Variants in TPRG1 observed in about 807,000 individuals in gnomAD.
The protein encoded by TPRG1 is tumor protein p63 regulated 1, also known as tumor protein p63-regulated gene 1 protein.
In TPRG1, 29 loss-of-function variants were observed where a neutral mutation model predicts 29.3. The ratio of observed to expected loss-of-function variants is 0.99; its 90% CI spans 0.74 to 1.35. The LOEUF (loss-of-function observed/expected upper bound fraction) is 1.35, where lower values mean the gene tolerates loss of function less well. Ranked by LOEUF, TPRG1 falls within the 40% of genes most tolerant of loss-of-function variation. TPRG1 has a pLI of 0.00. For missense variants in TPRG1, 327 were observed against 335.0 expected (o/e 0.98, Z 0.19); for synonymous variants, 130 against 116.8 (o/e 1.11, Z -0.73).
intron 4 of TPRG1, among the ~76,000 whole-genome samples, chr3:189,087,450 G>A (rs1578322826): frequency 6.6e-6 from 1 of 152,098 alleles, no homozygotes; most frequent in Admixed American, 6.5e-5. Flanking sequence ...CTCCCATTCT[G>A]TAGGTTGCCT....
intron 4 of TPRG1, among the ~76,000 whole-genome samples, chr3:189,296,934 C>T (rs1287844949): frequency 6.6e-6 from 1 of 152,100 alleles, no homozygotes; most frequent in East Asian, 1.9e-4. Context: ...TGAATTGCAG[C>T]CTTTGGGTGC....
At chr3:189,046,934 G>T (rs186818969) in intron 4 of TPRG1, among the ~76,000 whole-genome samples, 4 of 151,976 alleles carry the variant, frequency 2.6e-5, no homozygotes, top group African/African-American at 7.2e-5. Context: ...AAAACAAAAC[G>T]ACAACAATGA....
chr3:189,014,648 T>C (rs908670988), intron 3 of TPRG1, among the ~76,000 whole-genome samples: 3 of 152,154 alleles, frequency 2.0e-5, no homozygotes, highest in Non-Finnish European at 4.4e-5. Flanking sequence ...TTCTCATGAT[T>C]GTGAGGGAGT....
Position 189,015,770 on chromosome 3 carries a change from G to A in TPRG1, c.-659-7980G>A, listed in dbSNP as rs554523946. ...CCCAGACCTTGGTGGTTTCTATGTG[G>A]TGTTGGGCCTGCAGGCACACAGAAG... On this transcript the variant is annotated intron_variant, in intron 3 of 10. Coordinates refer to the TPRG1 transcript ENST00000433971. 2.6e-5 allele frequency among the ~76,000 whole-genome samples: 4 copies of A among 152,304 alleles called. No homozygotes were observed. The South Asian group carries it at 8.3e-4, about 32-fold the overall frequency.
intron 3 of TPRG1, among the ~76,000 whole-genome samples, chr3:189,009,923 G>A (rs754094657): frequency 7.9e-5 from 12 of 151,860 alleles, no homozygotes; most frequent in Non-Finnish European, 1.3e-4. Flanking sequence ...GCATCCACTA[G>A]CTATTTTTCC....
chr3:189,149,105 G>C (rs1725619853), intron 4 of TPRG1, among the ~76,000 whole-genome samples: 1 of 152,158 alleles, frequency 6.6e-6, no homozygotes, highest in Non-Finnish European at 1.5e-5. Context: ...CTGTTCTCAA[G>C]ATTCCATTTA....
chr3:189,112,100 G>A (rs143519412), intron 1 of TPRG1, among the ~76,000 whole-genome samples: 116 of 152,048 alleles, frequency 7.6e-4, no homozygotes, highest in African/African-American at 2.4e-3. Flanking sequence ...GATGAATTAC[G>A]CTAACTGATA....
intron 4 of TPRG1, among the ~76,000 whole-genome samples, chr3:189,280,008 TGG>T (rs1716835239): frequency 6.6e-6 from 1 of 152,156 alleles, no homozygotes; most frequent in Non-Finnish European, 1.5e-5. Flanking sequence ...TGAGCGGGAT[TGG>T]TAGCCACTTC....
chr3:189,268,332 A>G (rs971148226), intron 4 of TPRG1, among the ~76,000 whole-genome samples: 11 of 152,054 alleles, frequency 7.2e-5, no homozygotes, highest in Non-Finnish European at 1.2e-4. Context: ...TTGCTGAGCT[A>G]TTTCTTGGCA....
intron 3 of TPRG1, among the ~76,000 whole-genome samples, chr3:189,008,789 C>G (rs1379296439): frequency 1.3e-5 from 2 of 152,120 alleles, no homozygotes; most frequent in Non-Finnish European, 2.9e-5. Flanking sequence ...AGGAAACAGC[C>G]ATCGGGCTAG....
chr3:189,096,614 T>C (rs998749227), upstream of TPRG1, among the ~76,000 whole-genome samples: 2 of 152,194 alleles, frequency 1.3e-5, no homozygotes, highest in African/African-American at 2.4e-5. Flanking sequence ...CCAAAGAGCT[T>C]TTGCTTATGT....
At chr3:189,308,865 T>C (rs1722018511) in intron 4 of TPRG1, among the ~76,000 whole-genome samples, 3 of 152,064 alleles carry the variant, frequency 2.0e-5, no homozygotes, top group South Asian at 2.1e-4. Flanking sequence ...CCAGCACTCA[T>C]AGAATATTCA....
At chr3:189,250,511 C>CG (rs1553931568) in intron 4 of TPRG1, among the ~76,000 whole-genome samples, 2 of 86,606 alleles carry the variant, frequency 2.3e-5, no homozygotes, top group Non-Finnish European at 4.5e-5. Flanking sequence ...TCCGCCCCCC[C>CG]CCCCCCACCC....
chr3:189,300,853 C>T (rs184825055), intron 4 of TPRG1, among the ~76,000 whole-genome samples: 33 of 152,296 alleles, frequency 2.2e-4, no homozygotes, highest in East Asian at 3.9e-4. Context: ...GGCTCTTGAC[C>T]GGAAATCCAG....
intron 4 of TPRG1, among the ~76,000 whole-genome samples, chr3:189,274,761 C>T (rs1448040264): frequency 6.6e-6 from 1 of 151,966 alleles, no homozygotes; most frequent in Non-Finnish European, 1.5e-5. Flanking sequence ...GTATTTCTTA[C>T]CAATTTAAAA....
At chr3:189,204,711 G>C (rs1283302952) in intron 1 of TPRG1, among the ~76,000 whole-genome samples, 1 of 152,142 alleles carries the variant, frequency 6.6e-6, no homozygotes, top group Non-Finnish European at 1.5e-5. Context: ...TCTGTTGTTA[G>C]GCGTGTGTTC....
chr3:189,252,730 G>C (rs1742487389), intron 4 of TPRG1, among the ~76,000 whole-genome samples: 1 of 152,178 alleles, frequency 6.6e-6, no homozygotes, highest in Admixed American at 6.5e-5. Context: ...AACCTTGGGA[G>C]ACCTAACTCA....
chr3:189,238,280 T>G (rs1461225775), intron 3 of TPRG1, among the ~76,000 whole-genome samples: 1 of 152,204 alleles, frequency 6.6e-6, no homozygotes, highest in Non-Finnish European at 1.5e-5. Flanking sequence ...CAGTCAGCAG[T>G]GCAACCTTCG....
rs77058601 is a variant in TPRG1, at chr3:189,274,663, T to G, written c.480-35723T>G. Among the ~76,000 whole-genome samples, 1,300 of 152,214 alleles carry G rather than the reference T, an allele frequency of 8.5e-3. 32 individuals are homozygous for G. Among genetic ancestry groups the G allele is most frequent in the East Asian group, 0.073 (378 of 5,170 alleles). ...AGTAAACTTTGACCACTGATTCAAA[T>G]TTTTGCAAAATAATCTCCAGGATTT... is the stretch of plus-strand genomic sequence containing the variant. On this transcript the variant is annotated intron_variant, in intron 4 of 5. Coordinates refer to ENST00000345063, the MANE Select transcript of TPRG1 (RefSeq NM_198485.4).
Sources: gnomAD v4.1 joint callset for allele counts (sites outside exome capture counted in the v4.1 genomes callset) on GRCh38, gnomAD v4.1.1 for gene constraint, MANE v1.5 for transcripts, NCBI Gene and HGNC (gene_info 2026-07-23, HGNC 2026-07-21) for gene names.